Variants in EFCAB7 observed in about 807,000 individuals in gnomAD.
EFCAB7 encodes the protein EF-hand calcium binding domain 7, also known as EF-hand calcium-binding domain-containing protein 7.
Under a neutral mutation model 77.1 loss-of-function variants are expected in EFCAB7, and 66 were observed. That is an observed-to-expected ratio of 0.86 (90% CI 0.70 to 1.05). The LOEUF (loss-of-function observed/expected upper bound fraction) is 1.05, where lower values mean the gene tolerates loss of function less well. Among genes scored for constraint, EFCAB7 ranks in the 50% least tolerant of loss-of-function variants. The pLI is 0.00. For synonymous variants in EFCAB7, 225 were observed against 243.3 expected (o/e 0.92, Z 0.70); for missense variants, 638 against 730.5 (o/e 0.87, Z 1.46).
chr1:63,552,164 A>T (rs1268319557), intron 8 of EFCAB7, among the ~76,000 whole-genome samples: 2 of 152,084 alleles, frequency 1.3e-5, no homozygotes, highest in African/African-American at 4.8e-5. Context: ...AAGCCATATT[A>T]TTCTATGATC....
downstream of EFCAB7, among the ~76,000 whole-genome samples, chr1:63,574,023 T>C (rs1647341766): frequency 6.6e-6 from 1 of 152,162 alleles, no homozygotes; most frequent in African/African-American, 2.4e-5. Flanking sequence ...ATGACCGCGG[T>C]GGCCTTCTTA....
At chr1:63,568,226 G>C (rs1570443428) in intron 11 of EFCAB7, 84 bp from the exon 12 acceptor site, 2 of 1,160,560 alleles carry the variant, frequency 1.7e-6, no homozygotes, top group African/African-American at 3.2e-5. Flanking sequence ...AGAAGGTATA[G>C]CATATCTTCT....
In EFCAB7 at chr1:63,553,381, G is replaced by A. The variant is rs554756222; in HGVS notation, c.1056+1547G>A. On this transcript the variant is annotated intron_variant, in intron 8 of 13. Transcript: ENST00000371088. The stretch of plus-strand genomic sequence containing the variant: ...TTTTGAGACGGAGTCTTGCTCTGTC[G>A]CCAGGCTGGAGTGCAGTGGTGCGAT... Among the ~76,000 whole-genome samples, 9 of 152,154 alleles carry A rather than the reference G, an allele frequency of 5.9e-5. No homozygotes were observed. In the East Asian group the frequency reaches 9.7e-4, roughly 16 times the overall value.
chr1:63,565,231 T>C (rs217471), intron 11 of EFCAB7, among the ~76,000 whole-genome samples: 91,834 of 151,774 alleles, frequency 0.61, 29,499 homozygotes, highest in African/African-American at 0.82. Flanking sequence ...TGGTGGCAGG[T>C]GCCTGTAGTC....
At chr1:63,567,730 A>G (rs780304032) in intron 11 of EFCAB7, among the ~76,000 whole-genome samples, 2 of 152,222 alleles carry the variant, frequency 1.3e-5, no homozygotes, top group Non-Finnish European at 2.9e-5. Flanking sequence ...ACAGGAGACC[A>G]GGTTGGATGG....
downstream of EFCAB7, among the ~76,000 whole-genome samples, chr1:63,576,354 C>T (rs1490462004): frequency 6.6e-6 from 1 of 151,624 alleles, no homozygotes; most frequent in Non-Finnish European, 1.5e-5. Flanking sequence ...CTGGCGGACG[C>T]CTGTAATCCC....
At chr1:63,525,894 A>T (rs1646580651) in intron 2 of EFCAB7, 135 bp downstream of exon 2, 2 of 606,642 alleles carry the variant, frequency 3.3e-6, no homozygotes, top group Non-Finnish European at 5.6e-6. Flanking sequence ...AACTACAGTA[A>T]GCTATTATGT....
intron 2 of EFCAB7, among the ~76,000 whole-genome samples, chr1:63,530,606 G>A (rs1245937085): frequency 1.3e-5 from 2 of 152,140 alleles, no homozygotes; most frequent in Non-Finnish European, 2.9e-5. Flanking sequence ...GCTCTTCATA[G>A]ATAGAAGGAT....
At chr1:63,541,049 G>A (rs1429872516) in intron 6 of EFCAB7, among the ~76,000 whole-genome samples, 1 of 152,102 alleles carries the variant, frequency 6.6e-6, no homozygotes, top group Non-Finnish European at 1.5e-5. Context: ...CTGCAACAGA[G>A]TTATGAGAAT....
At chr1:63,527,088 T>C (rs1166259739) in intron 2 of EFCAB7, among the ~76,000 whole-genome samples, 1 of 152,236 alleles carries the variant, frequency 6.6e-6, no homozygotes, top group East Asian at 1.9e-4. Context: ...TACTTCTAAT[T>C]TGCCATTATT....
At chr1:63,543,956 CTTTTTTTCTTTTTTCTT>C (rs1646860604) in intron 6 of EFCAB7, among the ~76,000 whole-genome samples, 1 of 148,912 alleles carries the variant, frequency 6.7e-6, no homozygotes, top group South Asian at 2.1e-4. Context: ...CTTTTCTTTT[CTTTTTTTCTTTTTTCTT>C]TTTTTTTTTT....
intron 11 of EFCAB7, among the ~76,000 whole-genome samples, chr1:63,567,645 T>G (rs114099108): frequency 1.3e-5 from 2 of 152,124 alleles, no homozygotes; most frequent in African/African-American, 4.8e-5. Context: ...ATCTTCCCAG[T>G]GGAGAGAACA....
chr1:63,532,896 A>C, intron 4 of EFCAB7, 140 bp downstream of exon 4: 1 of 627,168 alleles, frequency 1.6e-6, no homozygotes, highest in South Asian at 2.3e-5. Flanking sequence ...GAAACAATTA[A>C]ATCAGTTAAC....
chr1:63,572,436 G>T lies in EFCAB7; in HGVS notation c.1816-6G>T, dbSNP rs6588050. On this transcript the variant is annotated splice_polypyrimidine_tract_variant and splice_region_variant and intron_variant, in intron 13 of 13. Coordinates refer to ENST00000371088, the MANE Select transcript of EFCAB7 (RefSeq NM_032437.4). ...GAGAGTAAAAGCTTTCTATTTTTAT[G>T]TGCAGGTTTGTCAACATGTAATGCC... 0.15 allele frequency: 241,593 copies of T among 1,563,700 alleles called. 19,766 individuals are homozygous for T. The highest frequency in any genetic ancestry group is 0.25 in the Middle Eastern group (1,442 of 5,862).
chr1:63,534,054 C>G (rs756105282), intron 5 of EFCAB7, 41 bp from the exon 6 acceptor site: 10 of 1,608,544 alleles, frequency 6.2e-6, no homozygotes, highest in African/African-American at 1.3e-5. Context: ...CTATTGACAA[C>G]TTTTCATAAT....
At chr1:63,526,492 A>G (rs951984594) in intron 2 of EFCAB7, among the ~76,000 whole-genome samples, 1 of 152,146 alleles carries the variant, frequency 6.6e-6, no homozygotes, top group Non-Finnish European at 1.5e-5. Context: ...ACCCTGACAT[A>G]TTTGTGCAGC....
intron 2 of EFCAB7, 45 bp downstream of exon 2, chr1:63,525,804 T>C: frequency 1.5e-6 from 2 of 1,331,388 alleles, no homozygotes; most frequent in Non-Finnish European, 2.0e-6. Context: ...TTGTTGAAAG[T>C]TAATAAATAG....
chr1:63,585,079 G>A, the EFCAB7 span, among the ~76,000 whole-genome samples: 1 of 151,272 alleles, frequency 6.6e-6, no homozygotes, highest in Non-Finnish European at 1.5e-5. Flanking sequence ...TAAAATTGGT[G>A]TTATTTCTTT....
At chr1:63,530,168 A>G (rs1646670489) in intron 2 of EFCAB7, among the ~76,000 whole-genome samples, 1 of 152,168 alleles carries the variant, frequency 6.6e-6, no homozygotes, top group South Asian at 2.1e-4. Context: ...TATTACCCTG[A>G]TCTGGTTTCT....
Sources: allele counts gnomAD v4.1 joint callset (sites outside exome capture counted in the v4.1 genomes callset), GRCh38; gene constraint gnomAD v4.1.1; transcripts MANE v1.5; gene names NCBI Gene and HGNC (gene_info 2026-07-23, HGNC 2026-07-21).